KCNB2: variants seen among roughly 807,000 people sequenced by gnomAD.
KCNB2 encodes the protein delayed rectifier potassium channel protein.
KCNB2 carries 15 observed loss-of-function variants against 61.5 expected under a neutral mutation model. That is an observed-to-expected ratio of 0.24 (90% confidence interval 0.16 to 0.38). The LOEUF (loss-of-function observed/expected upper bound fraction) is 0.38. Ranked by LOEUF, KCNB2 falls within the 10% of genes least tolerant of loss-of-function variation. The probability of loss-of-function intolerance (pLI) is 1.00; values close to 1 mark genes in which losing one functional copy is unlikely to be tolerated. For synonymous variants in KCNB2, 457 were observed against 446.0 expected, an observed-to-expected ratio of 1.02 and a Z score of -0.31; for missense variants, 828 against 1,125.2, an observed-to-expected ratio of 0.74 and a Z score of 3.78.
chr8:72,780,913 A>C (rs1428766802), intron 2 of KCNB2, among the ~76,000 whole-genome samples: 1 of 152,134 alleles, frequency 6.6e-6, no homozygotes, highest in African/African-American at 2.4e-5. Flanking sequence ...AATAATCATC[A>C]TTCTGACTGA....
At chr8:72,871,274 G>C (rs1029472793) in intron 2 of KCNB2, among the ~76,000 whole-genome samples, 1 of 152,166 alleles carries the variant, frequency 6.6e-6, no homozygotes, top group Non-Finnish European at 1.5e-5. Context: ...GAAGTATATA[G>C]TGTCTGGCAC....
intron 2 of KCNB2, among the ~76,000 whole-genome samples, chr8:72,688,627 A>C (rs1806892763): frequency 6.6e-6 from 1 of 152,202 alleles, no homozygotes; most frequent in African/African-American, 2.4e-5. Flanking sequence ...CAAGGTACTT[A>C]ATAAATAATT....
chr8:72,901,004 A>G (rs903261754), intron 2 of KCNB2, among the ~76,000 whole-genome samples: 27 of 152,192 alleles, frequency 1.8e-4, no homozygotes, highest in African/African-American at 6.5e-4. Flanking sequence ...ATATACCCAA[A>G]TAAATCATTC....
intron 2 of KCNB2, among the ~76,000 whole-genome samples, chr8:72,617,498 C>A (rs1472675251): frequency 6.6e-6 from 1 of 151,364 alleles, no homozygotes; most frequent in Non-Finnish European, 1.5e-5. Flanking sequence ...GTGGCAGGAT[C>A]AACTTCCATG....
intron 2 of KCNB2, among the ~76,000 whole-genome samples, chr8:72,891,326 T>C (rs1316112532): frequency 6.6e-6 from 1 of 152,202 alleles, no homozygotes; most frequent in Non-Finnish European, 1.5e-5. Context: ...ACCACTTCAA[T>C]GTACAGTATA....
chr8:72,764,323 G>C (rs1808430207), intron 2 of KCNB2, among the ~76,000 whole-genome samples: 1 of 152,170 alleles, frequency 6.6e-6, no homozygotes, highest in South Asian at 2.1e-4. Flanking sequence ...GCCTGCAGAA[G>C]GTAAGGAGGT....
intron 2 of KCNB2, among the ~76,000 whole-genome samples, chr8:72,847,387 C>T (rs1056541971): frequency 2.0e-5 from 3 of 152,190 alleles, no homozygotes; most frequent in African/African-American, 7.2e-5. Flanking sequence ...TCCCAGAAGG[C>T]CAACCTTGCA....
intron 2 of KCNB2, among the ~76,000 whole-genome samples, chr8:72,833,401 A>AAGGAACAG (rs1809729881): frequency 6.6e-6 from 1 of 152,190 alleles, no homozygotes; most frequent in Non-Finnish European, 1.5e-5. Flanking sequence ...CAATGTCAAC[A>AAGGAACAG]AGGAACAGAT....
chr8:72,845,944 T>A (rs1182002627), intron 2 of KCNB2, among the ~76,000 whole-genome samples: 1 of 149,308 alleles, frequency 6.7e-6, no homozygotes, highest in Non-Finnish European at 1.5e-5. Context: ...TCCAGAGGAG[T>A]GAACAGTTCT....
At chr8:72,935,458 T>C (rs376413695) in intron 2 of KCNB2, among the ~76,000 whole-genome samples, 2 of 152,244 alleles carry the variant, frequency 1.3e-5, no homozygotes, top group African/African-American at 2.4e-5. Flanking sequence ...ATTGTTGTAC[T>C]GAGTGCCATG....
intron 2 of KCNB2, among the ~76,000 whole-genome samples, chr8:72,653,500 A>G (rs117720545): frequency 0.017 from 2,516 of 151,458 alleles, 17 homozygotes; most frequent in Non-Finnish European, 0.026. Context: ...ATCATTGGGT[A>G]TTATTTATTT....
chr8:72,819,345 T>C (rs1563394328), intron 2 of KCNB2, among the ~76,000 whole-genome samples: 1 of 152,052 alleles, frequency 6.6e-6, no homozygotes, highest in Non-Finnish European at 1.5e-5. Context: ...CCAGAGGTGA[T>C]CCCCATTCAC....
In KCNB2 at chr8:72,712,824, G is replaced by A. The variant is rs146889901; in HGVS notation, c.579+144511G>A. ...TGCTGGGCAGTGGGTTCAGGACAGTGGGTGTAGTGCACTGTGCATGAGCCA... is the reference window on the plus strand; with the variant it reads ...TGCTGGGCAGTGGGTTCAGGACAGTAGGTGTAGTGCACTGTGCATGAGCCA... On this transcript the variant is annotated intron_variant, in intron 2 of 2. Coordinates refer to ENST00000523207, the MANE Select transcript of KCNB2 (RefSeq NM_004770.3). Among the ~76,000 whole-genome samples the A allele has an allele frequency of 3.4e-3, 512 of 152,284 alleles. 4 individuals carry two copies. Among genetic ancestry groups the A allele is most frequent in the African/African-American group, 0.012 (492 of 41,558 alleles).
chr8:72,599,048 G>A lies in KCNB2; in HGVS notation c.579+30735G>A, dbSNP rs557973514. Among the ~76,000 whole-genome samples, 56 of 152,062 alleles carry A rather than the reference G, an allele frequency of 3.7e-4. No individual in the cohort carries two copies. The South Asian group carries it at 7.3e-3, about 20-fold the overall frequency. On this transcript the variant is annotated intron_variant, in intron 2 of 2. Coordinates refer to ENST00000523207, the MANE Select transcript of KCNB2 (RefSeq NM_004770.3). ...CAAGGTAATTTATAGATTCAATGCCGTCCCCATCAAACTACCAATGACTTT... is the reference window on the plus strand; with the variant it reads ...CAAGGTAATTTATAGATTCAATGCCATCCCCATCAAACTACCAATGACTTT...
At position 72,938,308 on chromosome 8, in the gene KCNB2, G is replaced by C. The variant is rs1163970142; in HGVS notation, c.*217G>C. 4 of 489,950 alleles carry C rather than the reference G, an allele frequency of 8.2e-6. No homozygotes were observed. The highest frequency in any genetic ancestry group is 1.4e-5 in the Non-Finnish European group (4 of 278,912). The allele number at this position is 489,950 out of a possible 1,614,324, so 30.4% of individuals were successfully genotyped here. ...TTGTAACAAACCAACAAAAATGACT[G>C]AAGAACAGTGAACAAATAAAAAGAG... On this transcript the variant is annotated 3_prime_UTR_variant, in exon 3 of 3. Coordinates refer to ENST00000523207, the MANE Select transcript of KCNB2 (RefSeq NM_004770.3).
chr8:72,621,701 T>C (rs1805715764), intron 2 of KCNB2, among the ~76,000 whole-genome samples: 1 of 152,178 alleles, frequency 6.6e-6, no homozygotes, highest in South Asian at 2.1e-4. Flanking sequence ...AGTCATTTTC[T>C]TTTTACAGAA....
intron 2 of KCNB2, among the ~76,000 whole-genome samples, chr8:72,897,164 ATT>A (rs764268328): frequency 2.0e-5 from 3 of 152,016 alleles, no homozygotes; most frequent in Non-Finnish European, 4.4e-5. Flanking sequence ...CACCTTATTA[ATT>A]TTGTCTAATC....
At chr8:72,917,624 A>T (rs1348235383) in intron 2 of KCNB2, among the ~76,000 whole-genome samples, 1 of 152,248 alleles carries the variant, frequency 6.6e-6, no homozygotes, top group Non-Finnish European at 1.5e-5. Context: ...AAATTGGGAA[A>T]GGAAAAAGAT....
rs1806524812 is a variant in KCNB2 at position 72,561,727 on chromosome 8, AT to A, written c.-93-5914del. 3.7e-3 allele frequency among the ~76,000 whole-genome samples: 132 copies of A among 35,252 alleles called. 11 individuals carry two copies. The highest frequency in any genetic ancestry group is 9.4e-3 in the East Asian group (11 of 1,168). 23.1% of individuals were successfully genotyped at this position (35,252 alleles called of 152,430 possible). A position where few individuals can be genotyped will look rare whatever the true frequency, so the allele number is the denominator to read the frequency against. ...TATATATATATATATATATATATAT[AT>A]CTATATCTATATATATATGTATATA... On this transcript the variant is annotated intron_variant, in intron 1 of 2. Transcript: ENST00000523207.
Sources: gnomAD v4.1 joint callset for allele counts (sites outside exome capture counted in the v4.1 genomes callset) on GRCh38, gnomAD v4.1.1 for gene constraint, MANE v1.5 for transcripts, NCBI Gene and HGNC (gene_info 2026-07-23, HGNC 2026-07-21) for gene names.